Variants in QTGAL observed in about 807,000 individuals in gnomAD.
The protein encoded by QTGAL is queuosine-tRNA galactosyltransferase, also known as BGnT-like protein 1.
the QTGAL span, among the ~76,000 whole-genome samples, chr17:83,013,959 G>A: frequency 2.6e-5 from 4 of 152,136 alleles, no homozygotes; most frequent in Non-Finnish European, 5.9e-5. Flanking sequence ...CATCTGCGGT[G>A]GGGGATGGAG....
At chr17:82,965,499 G>C in the QTGAL span, 1 of 739,502 alleles carries the variant, frequency 1.4e-6, no homozygotes, top group South Asian at 1.7e-5. Flanking sequence ...TGCCAGGAGG[G>C]GGCACCGGGA....
chr17:82,987,321 T>G, the QTGAL span, among the ~76,000 whole-genome samples: 1 of 152,222 alleles, frequency 6.6e-6, no homozygotes, highest in Non-Finnish European at 1.5e-5. Flanking sequence ...GCTTACAATT[T>G]TAAAAAGAAG....
the QTGAL span, among the ~76,000 whole-genome samples, chr17:82,979,922 A>AC: frequency 6.6e-6 from 1 of 152,228 alleles, no homozygotes; most frequent in African/African-American, 2.4e-5. Flanking sequence ...AGACAGACCC[A>AC]CACTCTGTGG....
At chr17:83,014,645 T>G in the QTGAL span, 4 of 1,049,994 alleles carry the variant, frequency 3.8e-6, no homozygotes, top group South Asian at 3.0e-5. Context: ...AGCCTCAAAC[T>G]CCCGGCTTCA....
At chr17:82,961,065 G>A in the QTGAL span, 24 of 1,609,232 alleles carry the variant, frequency 1.5e-5, no homozygotes, top group African/African-American at 5.3e-5. Context: ...ACTCGAGGAC[G>A]CAGTGCGTGG....
chr17:82,952,580 C>T, the QTGAL span, among the ~76,000 whole-genome samples: 1 of 152,178 alleles, frequency 6.6e-6, no homozygotes, highest in South Asian at 2.1e-4. Flanking sequence ...TAGAGACCTA[C>T]AGAGAGACTT....
chr17:83,018,929 G>A, the QTGAL span, among the ~76,000 whole-genome samples: 27 of 152,346 alleles, frequency 1.8e-4, no homozygotes, highest in South Asian at 4.8e-3. Flanking sequence ...GAATCGAGGG[G>A]CGGACATGGG....
At chr17:83,000,311 T>C in the QTGAL span, among the ~76,000 whole-genome samples, 14 of 152,170 alleles carry the variant, frequency 9.2e-5, no homozygotes, top group Non-Finnish European at 7.3e-5. Flanking sequence ...GGAGGAGCTG[T>C]GCTTGCGGAG....
chr17:82,967,977 A>T, the QTGAL span, among the ~76,000 whole-genome samples: 1 of 152,194 alleles, frequency 6.6e-6, no homozygotes, highest in African/African-American at 2.4e-5. Flanking sequence ...AAACACTGAC[A>T]GTACCAAGTA....
chr17:82,973,308 G>GGTCACA, the QTGAL span, among the ~76,000 whole-genome samples: 1 of 151,134 alleles, frequency 6.6e-6, no homozygotes, highest in African/African-American at 2.4e-5. Context: ...GACCATCTGT[G>GGTCACA]GGTTTTTCAA....
the QTGAL span, chr17:83,034,941 T>G: frequency 9.4e-7 from 1 of 1,065,142 alleles, no homozygotes; most frequent in Non-Finnish European, 1.4e-6. Context: ...ATTAGAAAAA[T>G]GATTTTCAAG....
chr17:82,978,568 A>G, the QTGAL span: 1 of 152,148 alleles, frequency 6.6e-6, no homozygotes, highest in African/African-American at 2.4e-5. This position sits in a 1 kb window ranked among gnomAD's most constrained non-coding sequence, Gnocchi z 4.8. Flanking sequence ...GTGAACCCGG[A>G]TGCAGGTCTC....
At chr17:83,031,237 G>A in the QTGAL span, among the ~76,000 whole-genome samples, 7 of 152,222 alleles carry the variant, frequency 4.6e-5, no homozygotes, top group African/African-American at 1.7e-4. Flanking sequence ...TGTAAACTCA[G>A]CGACGGCCGC....
the QTGAL span, among the ~76,000 whole-genome samples, chr17:83,010,674 CCT>C: frequency 6.6e-6 from 1 of 152,230 alleles, no homozygotes; most frequent in Non-Finnish European, 1.5e-5. Flanking sequence ...ACCTGGAAGT[CCT>C]GTTTATTTAA....
chr17:82,972,853 T>TAGAAGGACCCGGTACTGACCACACCACAC, the QTGAL span, among the ~76,000 whole-genome samples: 1 of 46,776 alleles, frequency 2.1e-5, no homozygotes, highest in African/African-American at 9.7e-5. Flanking sequence ...CACACCACAC[T>TAGAAGGACCCGGTACTGACCACACCACAC]CATAGGGGCC....
At chr17:83,005,278 G>A in the QTGAL span, 2 of 1,267,592 alleles carry the variant, frequency 1.6e-6, no homozygotes. The surrounding 1 kb of genome is among the most constrained non-coding windows in gnomAD (Gnocchi z 5.6). Flanking sequence ...GCACACCTGT[G>A]TGTATTCATC....
At chr17:82,942,345 A>G in the QTGAL span, 1 of 1,534,598 alleles carries the variant, frequency 6.5e-7, no homozygotes. Context: ...TCCTGCAGGA[A>G]CCGTGTCAGT....
chr17:83,031,171 T>C, the QTGAL span, among the ~76,000 whole-genome samples: 1 of 152,052 alleles, frequency 6.6e-6, no homozygotes, highest in East Asian at 1.9e-4. Context: ...CAGCAGTGTG[T>C]GCCAGGAGGA....
the QTGAL span, among the ~76,000 whole-genome samples, chr17:83,045,878 G>C: frequency 6.6e-6 from 1 of 151,292 alleles, no homozygotes; most frequent in African/African-American, 2.5e-5. Flanking sequence ...CCAATGGTAC[G>C]ATCTCGGCTC....
Sources: gnomAD v4.1 joint callset for allele counts (sites outside exome capture counted in the v4.1 genomes callset) on GRCh38, gnomAD v4.1.1 for gene constraint, Gnocchi (gnomAD v3.1) non-coding constraint, MANE v1.5 for transcripts, NCBI Gene and HGNC (gene_info 2026-07-23, HGNC 2026-07-21) for gene names.